Variants in CATSPERB observed in about 807,000 individuals in gnomAD.
CATSPERB encodes cation channel sperm-associated auxiliary subunit beta.
Under a neutral mutation model 128.3 loss-of-function variants are expected in CATSPERB, and 93 were observed. The ratio of observed to expected loss-of-function variants is 0.72; its 90% CI spans 0.61 to 0.86. CATSPERB has a LOEUF of 0.86. CATSPERB is among the 40% of genes least tolerant of loss of function. The pLI is 0.00. For synonymous variants in CATSPERB, 381 were observed against 448.8 expected (o/e 0.85, Z 1.91); for missense variants, 1,153 against 1,329.5 (o/e 0.87, Z 2.06).
In CATSPERB at chr14:91,586,300, G is replaced by C. The variant is rs1020725802; in HGVS notation, c.3132+902C>G. ...TTCTATGAGAATTTTAGCCCTCTGT[G>C]CTATTGTGCTGTTCCCCACAACCAG... On this transcript the variant is annotated intron_variant, in intron 26 of 26. Transcript: ENST00000256343. 2.6e-5 allele frequency among the ~76,000 whole-genome samples: 4 copies of C among 152,238 alleles called. No homozygotes were observed. In the South Asian group the frequency reaches 8.3e-4, roughly 32 times the overall value.
chr14:91,581,192 G>C lies in CATSPERB; in HGVS notation c.3133-85C>G. ...AATTTAATGTTCCCCACAATTAATC[G>C]GAGAGCAAAACGCTGCCCAGAGTTA... On this transcript the variant is annotated intron_variant, in intron 26 of 26. Coordinates refer to ENST00000256343, the MANE Select transcript of CATSPERB (RefSeq NM_024764.4). 5 of 1,127,392 alleles carry C rather than the reference G, an allele frequency of 4.4e-6. No homozygotes were observed. In the South Asian group the frequency reaches 7.4e-5, roughly 17 times the overall value. The allele number at this position is 1,127,392 out of a possible 1,614,324, so 69.8% of individuals were successfully genotyped here.
chr14:91,615,530 A>G (rs188849452), intron 20 of CATSPERB, among the ~76,000 whole-genome samples: 18 of 152,196 alleles, frequency 1.2e-4, no homozygotes, highest in Non-Finnish European at 2.2e-4. Flanking sequence ...TTCACATACA[A>G]CCGAGGATGT....
chr14:91,664,501 G>A (rs565718165), intron 14 of CATSPERB, among the ~76,000 whole-genome samples: 3 of 151,922 alleles, frequency 2.0e-5, no homozygotes, highest in East Asian at 3.9e-4. Context: ...CCTGACCTCA[G>A]GTGATCCACC....
intron 17 of CATSPERB, among the ~76,000 whole-genome samples, chr14:91,627,127 CAG>C (rs2139793331): frequency 6.6e-6 from 1 of 152,272 alleles, no homozygotes; most frequent in Admixed American, 6.5e-5. Context: ...TTTTAAATGA[CAG>C]TGTTAAGCAG....
chr14:91,586,571 AAGAG>A (rs35756131), intron 26 of CATSPERB, among the ~76,000 whole-genome samples: 11 of 114,244 alleles, frequency 9.6e-5, no homozygotes, highest in Admixed American at 2.0e-4. Context: ...GAGAGAGAGA[AAGAG>A]AGAGAGAGAG....
intron 21 of CATSPERB, 89 bp from the exon 22 acceptor site, chr14:91,608,493 G>T: frequency 3.7e-6 from 3 of 801,534 alleles, no homozygotes; most frequent in Non-Finnish European, 5.9e-6. Flanking sequence ...ACCAATCAAG[G>T]CAAAAATTCA....
chr14:91,602,032 C>A (rs1831462354), intron 22 of CATSPERB, among the ~76,000 whole-genome samples: 1 of 152,092 alleles, frequency 6.6e-6, no homozygotes, highest in South Asian at 2.1e-4. Context: ...TTTTCATAAG[C>A]CCAACTACTT....
chr14:91,691,096 G>A (rs550355571), intron 10 of CATSPERB, among the ~76,000 whole-genome samples: 1 of 152,232 alleles, frequency 6.6e-6, no homozygotes, highest in South Asian at 2.1e-4. Context: ...AGTTAGAAAA[G>A]GTACCCCTTT....
intron 5 of CATSPERB, among the ~76,000 whole-genome samples, chr14:91,714,277 C>CAA (rs35951126): frequency 0.024 from 2,651 of 111,176 alleles, 31 homozygotes; most frequent in Non-Finnish European, 0.031. Context: ...TACAATAAGG[C>CAA]AAAAAAAAAA....
At chr14:91,701,508 G>A (rs990534892) in intron 7 of CATSPERB, among the ~76,000 whole-genome samples, 10 of 152,154 alleles carry the variant, frequency 6.6e-5, no homozygotes, top group Admixed American at 6.5e-4. Flanking sequence ...GATAGAGCGG[G>A]ATAAAAGTTT....
chr14:91,588,986 T>C (rs1482908131), intron 24 of CATSPERB, among the ~76,000 whole-genome samples: 1 of 152,182 alleles, frequency 6.6e-6, no homozygotes, highest in Non-Finnish European at 1.5e-5. Context: ...TACCTACATA[T>C]CTCCTTAGAG....
rs1896061890 is a variant in CATSPERB, at chr14:91,723,130, C to T, written c.228G>A (p.Val76=). Residue 76 remains valine, a synonymous_variant, in exon 4 of 27, where the codon GTG becomes GTA. Coordinates refer to ENST00000256343, the MANE Select transcript of CATSPERB (RefSeq NM_024764.4). ...TGGGAGCAAGTCCTCCTGATGTGAA[C>T]ACACTTAGCATTGCTTTTGATGCAA... ...NEIASKAMLS[V]FTSGGLAPSL... is the part of the protein sequence containing the mutation. The T allele has an allele frequency of 1.3e-6, 2 of 1,556,430 alleles. No homozygotes were observed. Among genetic ancestry groups the T allele is most frequent in the African/African-American group, 1.4e-5 (1 of 72,514 alleles).
chr14:91,676,901 A>C lies in CATSPERB; in HGVS notation c.932-2679T>G, dbSNP rs186331661. Among the ~76,000 whole-genome samples the C allele has an allele frequency of 6.6e-3, 998 of 152,290 alleles. 9 individuals are homozygous for C. The highest frequency in any genetic ancestry group is 0.011 in the Non-Finnish European group (773 of 68,018). The stretch of plus-strand genomic sequence containing the variant: ...TCTAGACCAATGGAACATAACAGAG[A>C]CTTCAGAAATAACACCACACATCTA... On this transcript the variant is annotated intron_variant, in intron 11 of 26. Transcript: ENST00000256343.
At chr14:91,618,578 A>C (rs1013730363) in intron 19 of CATSPERB, among the ~76,000 whole-genome samples, 9 of 152,230 alleles carry the variant, frequency 5.9e-5, no homozygotes, top group African/African-American at 1.9e-4. Flanking sequence ...AGAAAAACTG[A>C]AGGGTACATG....
intron 14 of CATSPERB, among the ~76,000 whole-genome samples, chr14:91,668,595 G>A (rs998072302): frequency 6.6e-6 from 1 of 152,136 alleles, no homozygotes; most frequent in African/African-American, 2.4e-5. Flanking sequence ...TTGTTCTTTC[G>A]CTCTTCACAA....
chr14:91,581,535 T>C (rs1401978686), intron 26 of CATSPERB, among the ~76,000 whole-genome samples: 1 of 152,214 alleles, frequency 6.6e-6, no homozygotes, highest in Non-Finnish European at 1.5e-5. Flanking sequence ...AAAGGAACAT[T>C]CCAGGTAGAG....
chr14:91,588,223 C>T, intron 24 of CATSPERB, 145 bp from the exon 25 acceptor site: 1 of 612,364 alleles, frequency 1.6e-6, no homozygotes, highest in Non-Finnish European at 2.9e-6. Flanking sequence ...ATTTGTCATG[C>T]ACATTAAGGT....
At chr14:91,603,062 G>C in intron 22 of CATSPERB, 1 of 783,568 alleles carries the variant, frequency 1.3e-6, no homozygotes, top group Non-Finnish European at 2.4e-6. Flanking sequence ...TGCCTTTTTG[G>C]GTTTTGGGCC....
intron 5 of CATSPERB, among the ~76,000 whole-genome samples, chr14:91,717,017 A>C (rs1895954938): frequency 6.6e-6 from 1 of 152,162 alleles, no homozygotes; most frequent in Admixed American, 6.5e-5. Flanking sequence ...CCTTCAACAA[A>C]ATTAACTATC....
Sources: gnomAD v4.1 joint callset for allele counts (sites outside exome capture counted in the v4.1 genomes callset) on GRCh38, gnomAD v4.1.1 for gene constraint, MANE v1.5 for transcripts, NCBI Gene and HGNC (gene_info 2026-07-23, HGNC 2026-07-21) for gene names.